The following CD300LD variants were observed in gnomAD, a reference collection of about 807,000 sequenced individuals.
The protein encoded by CD300LD is CD300 molecule like family member d, also known as CMRF35-like molecule 5.
CD300LD carries 18 observed loss-of-function variants against 20.3 expected under a neutral mutation model. The ratio of observed to expected loss-of-function variants is 0.89; its 90% CI spans 0.61 to 1.32. The LOEUF (loss-of-function observed/expected upper bound fraction) is 1.32, where lower values mean the gene tolerates loss of function less well. CD300LD is among the 40% of genes most tolerant of loss of function. The probability of loss-of-function intolerance (pLI) is 0.00; values close to 1 mark genes in which losing one functional copy is unlikely to be tolerated. For missense variants in CD300LD, 195 were observed against 226.6 expected (o/e 0.86, Z 0.90); for synonymous variants, 104 against 90.1 (o/e 1.15, Z -0.87).
At chr17:74,586,368 C>T (rs999642591) in intron 2 of CD300LD, among the ~76,000 whole-genome samples, 1 of 152,162 alleles carries the variant, frequency 6.6e-6, no homozygotes, top group East Asian at 1.9e-4. Context: ...AAAAGAATAC[C>T]GTCAGACCTT....
At chr17:74,588,144 G>C (rs997273863) in intron 2 of CD300LD, among the ~76,000 whole-genome samples, 7 of 152,194 alleles carry the variant, frequency 4.6e-5, no homozygotes, top group Non-Finnish European at 2.9e-5. Flanking sequence ...GTGGCTCCAG[G>C]CACCTCGTGG....
chr17:74,587,456 A>G (rs2030190952), intron 2 of CD300LD, among the ~76,000 whole-genome samples: 1 of 152,178 alleles, frequency 6.6e-6, no homozygotes, highest in Admixed American at 6.5e-5. Context: ...TTAGTAATTT[A>G]TATCTTTTTC....
At chr17:74,578,776 A>T (rs926355978), downstream of CD300LD, among the ~76,000 whole-genome samples, 1 of 151,968 alleles carries the variant, frequency 6.6e-6, no homozygotes, top group East Asian at 1.9e-4. Flanking sequence ...CCCAGAAGGG[A>T]ATTTCTGTTA....
At chr17:74,590,017 C>T (rs183048880) in intron 1 of CD300LD, among the ~76,000 whole-genome samples, 5 of 152,296 alleles carry the variant, frequency 3.3e-5, no homozygotes, top group Non-Finnish European at 7.4e-5. Flanking sequence ...CTGTGTGATA[C>T]GGTTTGTCTG....
chr17:74,585,764 C>T (rs1231829858), intron 2 of CD300LD, among the ~76,000 whole-genome samples: 1 of 152,200 alleles, frequency 6.6e-6, no homozygotes, highest in African/African-American at 2.4e-5. Context: ...AAGCATTTGG[C>T]TTGCACTTGT....
rs1699587 is a variant in CD300LD, at chr17:74,580,182, T to A, written c.474-69A>T. Reference sequence around the variant, plus strand: ...GAGGTCTCAGGTCTTCTCAGCTCTATGCCCAGATCCTGGCTTCCAATGTCT... The same window carrying A: ...GAGGTCTCAGGTCTTCTCAGCTCTAAGCCCAGATCCTGGCTTCCAATGTCT... On this transcript the variant is annotated intron_variant, in intron 3 of 3. Transcript: ENST00000375352. 3.0e-3 allele frequency: 3,114 copies of A among 1,027,802 alleles called. 62 individuals carry two copies. The African/African-American group carries it at 0.037, about 12-fold the overall frequency. 63.7% of individuals were successfully genotyped at this position (1,027,802 alleles called of 1,614,324 possible).
intron 2 of CD300LD, 53 bp from the exon 3 acceptor site, chr17:74,582,364 TGG>T: frequency 1.3e-6 from 2 of 1,496,988 alleles, no homozygotes; most frequent in South Asian, 2.4e-5. Context: ...GGCCCAGCTC[TGG>T]CTGTGGCCCT....
chr17:74,584,504 G>A (rs539791723), intron 2 of CD300LD, among the ~76,000 whole-genome samples: 2 of 152,288 alleles, frequency 1.3e-5, no homozygotes, highest in African/African-American at 4.8e-5. Context: ...GGGGTGCTGA[G>A]GGCAGTCACA....
rs548677153 is a variant in CD300LD, at chr17:74,589,031, T to C, written c.41-182A>G. 3.9e-5 allele frequency among the ~76,000 whole-genome samples: 6 copies of C among 152,356 alleles called. No homozygotes were observed. The East Asian group carries it at 1.2e-3, about 29-fold the overall frequency. On this transcript the variant is annotated intron_variant, in intron 1 of 3. Coordinates refer to ENST00000375352, the MANE Select transcript of CD300LD (RefSeq NM_001115152.2). ...GGGTCAAAGTCACCAGGAAAATCAC[T>C]GAAGAGCACAACTGCAGATCCCCAA...
Position 74,587,097 on chromosome 17 carries a change from C to T in CD300LD, c.379+1414G>A, listed in dbSNP as rs187977345. Among the ~76,000 whole-genome samples the T allele has an allele frequency of 2.2e-3, 340 of 151,590 alleles. 4 individuals are homozygous for T. The highest frequency in any genetic ancestry group is 0.015 in the South Asian group (70 of 4,802). On this transcript the variant is annotated intron_variant, in intron 2 of 3. Coordinates refer to ENST00000375352, the MANE Select transcript of CD300LD (RefSeq NM_001115152.2). ...CCAGGAGGTGGAGGTTGTGGTGAGC[C>T]GAGATCGTGCCATTGCACTCCAGCC...
intron 2 of CD300LD, among the ~76,000 whole-genome samples, chr17:74,583,918 A>AT (rs377050668): frequency 1.4e-3 from 210 of 151,026 alleles, no homozygotes; most frequent in African/African-American, 4.7e-3. Flanking sequence ...TAGCCAGCTA[A>AT]TTTTTTTTTA....
chr17:74,582,031 A>G (rs1275090491), intron 3 of CD300LD, among the ~76,000 whole-genome samples, 187 bp downstream of exon 3: 2 of 152,258 alleles, frequency 1.3e-5, no homozygotes, highest in Non-Finnish European at 2.9e-5. Context: ...GATAAACAAC[A>G]TATGCTTTTT....
chr17:74,591,897 C>G, intron 1 of CD300LD: 1 of 707,708 alleles, frequency 1.4e-6, no homozygotes, highest in African/African-American at 1.8e-5. Context: ...GTTCATTCAT[C>G]TGTTTATATG....
intron 3 of CD300LD, among the ~76,000 whole-genome samples, chr17:74,580,801 C>A (rs770081784): frequency 1.3e-5 from 2 of 151,176 alleles, no homozygotes; most frequent in Non-Finnish European, 2.9e-5. Context: ...CGTGGTGGTT[C>A]GCACGTGTAA....
At chr17:74,591,268 A>AAAAAATAAT (rs146085886) in intron 1 of CD300LD, among the ~76,000 whole-genome samples, 1 of 142,400 alleles carries the variant, frequency 7.0e-6, no homozygotes, top group Non-Finnish European at 1.5e-5. Flanking sequence ...AAAAAAATAA[A>AAAAAATAAT]AATAATAATA....
chr17:74,587,278 T>A (rs2030186792), intron 2 of CD300LD, among the ~76,000 whole-genome samples: 1 of 152,236 alleles, frequency 6.6e-6, no homozygotes, highest in Admixed American at 6.5e-5. Flanking sequence ...CTATTCCAGT[T>A]ATCTATTTCT....
rs1160145333 is a variant in CD300LD at position 74,579,544 on chromosome 17, G to C, written c.*458C>G. 2 of 158,214 alleles carry C rather than the reference G, an allele frequency of 1.3e-5. No individual in the cohort carries two copies. Among genetic ancestry groups the C allele is most frequent in the Non-Finnish European group, 2.8e-5 (2 of 71,956 alleles). 9.8% of individuals were successfully genotyped at this position (158,214 alleles called of 1,614,324 possible). On this transcript the variant is annotated 3_prime_UTR_variant, in exon 4 of 4. Coordinates refer to ENST00000375352, the MANE Select transcript of CD300LD (RefSeq NM_001115152.2). ...GGGGACTAGGAGGCTGTTCCCTGAA[G>C]CTGGGGCCAGCACTGCCTCTAGAAC...
At chr17:74,579,297 C>T (rs532032840), downstream of CD300LD, 14 of 152,286 alleles carry the variant, frequency 9.2e-5, no homozygotes, top group African/African-American at 3.4e-4. Flanking sequence ...TGACTGGAGA[C>T]TTGAACCCCA....
chr17:74,581,227 T>A, intron 3 of CD300LD, among the ~76,000 whole-genome samples: 1 of 151,666 alleles, frequency 6.6e-6, no homozygotes. Flanking sequence ...GGTGGAGCTC[T>A]GCAGATGCAT....
Sources: gnomAD v4.1 joint callset for allele counts (sites outside exome capture counted in the v4.1 genomes callset) on GRCh38, gnomAD v4.1.1 for gene constraint, MANE v1.5 for transcripts, NCBI Gene and HGNC (gene_info 2026-07-23, HGNC 2026-07-21) for gene names.